Variants in ARAP1 observed in about 807,000 individuals in gnomAD.
The protein encoded by ARAP1 is ArfGAP with RhoGAP domain, ankyrin repeat and PH domain 1.
ARAP1 carries 76 observed loss-of-function variants against 172.2 expected under a neutral mutation model. That is an observed-to-expected ratio of 0.44 (90% confidence interval 0.37 to 0.53). ARAP1 has a LOEUF of 0.53. ARAP1 is among the 20% of genes least tolerant of loss of function. ARAP1 has a pLI of 0.00. For missense variants in ARAP1, 1,686 were observed against 1,977.5 expected (o/e 0.85, Z 2.80); for synonymous variants, 804 against 803.3 (o/e 1.00, Z -0.01).
At chr11:72,733,784 G>C (rs770947113) in intron 1 of ARAP1, among the ~76,000 whole-genome samples, 5 of 152,148 alleles carry the variant, frequency 3.3e-5, no homozygotes, top group Non-Finnish European at 5.9e-5. Context: ...TCACTGCCTA[G>C]GATAGGGCTA....
chr11:72,692,759 A>T lies in ARAP1; in HGVS notation c.3981T>A (p.Pro1327=), dbSNP rs1479132898. The T allele has an allele frequency of 6.2e-7, 1 of 1,613,696 alleles. No individual in the cohort carries two copies. The highest frequency in any genetic ancestry group is 8.5e-7 in the Non-Finnish European group (1 of 1,180,002). Residue 1327 remains proline, a synonymous_variant, in exon 30 of 35, where the codon CCT becomes CCA. Coordinates refer to ENST00000393609, the MANE Select transcript of ARAP1 (RefSeq NM_001040118.3). The part of the protein sequence containing the change: ...VRSQRPWSGA[P]ETSHRPEKEW... The stretch of plus-strand genomic sequence containing the variant: ...TCAGCCCACAGCTACTCACGGTCTC[A>T]GGGGCCCCGCTCCACGGCCTCTGGC...
intron 12 of ARAP1, 66 bp from the exon 13 acceptor site, chr11:72,705,956 C>G (rs917115417): frequency 6.5e-7 from 1 of 1,533,290 alleles, no homozygotes; most frequent in African/African-American, 1.4e-5. Flanking sequence ...TTACCCACCC[C>G]CAGTGTCTAC....
chr11:72,693,676 T>C lies in ARAP1; in HGVS notation c.3808+16A>G. The C allele has an allele frequency of 6.3e-7, 1 of 1,590,396 alleles. No individual in the cohort carries two copies. The highest frequency in any genetic ancestry group is 1.1e-5 in the South Asian group (1 of 87,990). The stretch of plus-strand genomic sequence containing the variant: ...AGGACCACCCGGAGCCTGGCCACCC[T>C]GCAGGCACCACCTACCCAGGTACAG... On this transcript the variant is annotated intron_variant, in intron 28 of 34. Transcript: ENST00000393609. The surrounding 1 kb of genome is among the most constrained non-coding windows in gnomAD (Gnocchi z 4.6).
At chr11:72,728,572 C>G (rs1857767866) in intron 2 of ARAP1, among the ~76,000 whole-genome samples, 1 of 152,100 alleles carries the variant, frequency 6.6e-6, no homozygotes, top group Non-Finnish European at 1.5e-5. Context: ...CAGAGTGAGG[C>G]TCCGTCTCAA....
intron 14 of ARAP1, among the ~76,000 whole-genome samples, chr11:72,703,587 G>T (rs1352977841): frequency 6.6e-6 from 1 of 152,200 alleles, no homozygotes; most frequent in Non-Finnish European, 1.5e-5. Flanking sequence ...CGGGCTTCTA[G>T]CTGGACTGAG....
chr11:72,690,927 C>T (rs1039463613), intron 30 of ARAP1, among the ~76,000 whole-genome samples: 3 of 152,184 alleles, frequency 2.0e-5, no homozygotes, highest in Non-Finnish European at 4.4e-5. Context: ...GTCCTACTGC[C>T]GCATAAACCA....
chr11:72,751,631 G>A (rs774340748), intron 1 of ARAP1, among the ~76,000 whole-genome samples: 4 of 152,014 alleles, frequency 2.6e-5, no homozygotes, highest in African/African-American at 7.3e-5. Flanking sequence ...CTGGGATCAG[G>A]GAAGGCTCCC....
intron 1 of ARAP1, among the ~76,000 whole-genome samples, chr11:72,748,623 A>G (rs1858444354): frequency 6.6e-6 from 1 of 152,134 alleles, no homozygotes; most frequent in African/African-American, 2.4e-5. Flanking sequence ...TAACCTAACT[A>G]TGGGACAGGC....
chr11:72,697,256 C>T (rs1305748732), intron 21 of ARAP1, 61 bp from the exon 22 acceptor site: 3 of 1,584,206 alleles, frequency 1.9e-6, no homozygotes, highest in Admixed American at 1.7e-5. Context: ...GGCGGGGCCG[C>T]GCAGCTCTGG....
chr11:72,701,138 G>A (rs1856463338), intron 16 of ARAP1, among the ~76,000 whole-genome samples: 2 of 152,172 alleles, frequency 1.3e-5, no homozygotes, highest in Non-Finnish European at 2.9e-5. Flanking sequence ...ATGCATTTCA[G>A]GCAGAGGGAA....
chr11:72,722,268 C>G, intron 3 of ARAP1: 1 of 985,596 alleles, frequency 1.0e-6, no homozygotes, highest in Non-Finnish European at 1.2e-6. Flanking sequence ...CAGCTCTGGT[C>G]TCCCGGAGGC....
intron 1 of ARAP1, among the ~76,000 whole-genome samples, chr11:72,733,738 T>TAA (rs1364538880): frequency 6.6e-6 from 1 of 152,220 alleles, no homozygotes; most frequent in Non-Finnish European, 1.5e-5. Context: ...TACAAACACA[T>TAA]AAACAGGTAT....
chr11:72,730,459 C>T (rs1192393659), intron 2 of ARAP1, among the ~76,000 whole-genome samples: 1 of 152,148 alleles, frequency 6.6e-6, no homozygotes, highest in African/African-American at 2.4e-5. Context: ...CGCGGTGGCT[C>T]ACACCTGTAA....
rs529263777 is a variant in ARAP1 at position 72,748,306 on chromosome 11, G to T, written c.-128+4022C>A. On this transcript the variant is annotated intron_variant, in intron 1 of 34. Transcript: ENST00000393609. ...GGAGGCCAAGGCGGGCGGATCACGA[G>T]GTCAGGAGTTCAAGATCATCCTGGC... Among the ~76,000 whole-genome samples, 292 of 152,248 alleles carry T rather than the reference G, an allele frequency of 1.9e-3. 2 individuals are homozygous for T. Among genetic ancestry groups the T allele is most frequent in the African/African-American group, 6.9e-3 (285 of 41,554 alleles).
chr11:72,745,671 G>A (rs577079813), intron 1 of ARAP1, among the ~76,000 whole-genome samples: 10 of 152,194 alleles, frequency 6.6e-5, no homozygotes, highest in Non-Finnish European at 1.0e-4. Flanking sequence ...GCACGACCCC[G>A]CCAGGAGCCT....
Position 72,697,095 on chromosome 11 carries a change from C to A in ARAP1, c.3054G>T (p.Lys1018Asn). The change falls in exon 22 of 35, where the codon AAG (lysine) becomes AAT (asparagine). Residue 1018 changes from lysine to asparagine, a missense_variant. Lys to Asn is a moderately conservative substitution (Grantham distance 94). Around this residue, in one of 5 missense-constraint regions of ARAP1, gnomAD observed 274 missense variants for 262.7 expected, o/e 1.04. Coordinates refer to ENST00000393609, the MANE Select transcript of ARAP1 (RefSeq NM_001040118.3). Reference protein sequence around the residue: ...LRQDARSVHLKEGEQHVDDVS... With the variant: ...LRQDARSVHLNEGEQHVDDVS... ...CATCATCCACGTGCTGCTCGCCCTC[C>A]TTGAGGTGCACAGAGCGCGCATCCT... 6.2e-7 allele frequency: 1 copy of A among 1,609,242 alleles called. No individual in the cohort carries two copies.
intron 15 of ARAP1, among the ~76,000 whole-genome samples, chr11:72,702,351 T>C (rs1856528255): frequency 6.6e-6 from 1 of 151,780 alleles, no homozygotes; most frequent in Admixed American, 6.6e-5. Context: ...CCACCCTCAG[T>C]CCTGGGATGT....
chr11:72,714,298 G>A lies in ARAP1; in HGVS notation c.533C>T (p.Ser178Leu), dbSNP rs1469932791. 1.9e-6 allele frequency: 3 copies of A among 1,547,266 alleles called. No individual in the cohort carries two copies. Among genetic ancestry groups the A allele is most frequent in the Non-Finnish European group, 2.6e-6 (3 of 1,145,582 alleles). The change falls in exon 4 of 35, where the codon TCA becomes TTA. Residue 178 changes from serine (S) to leucine (L), a missense_variant. This residue lies in a region of ARAP1 where 155 missense variants were observed against 129.2 expected (regional missense o/e 1.20). Coordinates refer to ENST00000393609, the MANE Select transcript of ARAP1 (RefSeq NM_001040118.3). ...LVSLPTKEEE[S>L]LLPSLSSPPQ... ...AGGGGATGATAATGATGGCAGCAAT[G>A]ACTCCTCCTCCTTAGTGGGCAGGCT...
Position 72,693,626 on chromosome 11 carries a change from A to G in ARAP1, c.3808+66T>C, listed in dbSNP as rs1008880287. The stretch of plus-strand genomic sequence containing the variant: ...TGAGCTGTTCCTACCTGGCACCACC[A>G]GGTCCCACCCTGGCTCTGGAAGAGA... On this transcript the variant is annotated intron_variant, in intron 28 of 34. Transcript: ENST00000393609. This position sits in a 1 kb window ranked among gnomAD's most constrained non-coding sequence, Gnocchi z 4.6. 73 of 1,533,250 alleles carry G rather than the reference A, an allele frequency of 4.8e-5. No homozygotes were observed. In the Middle Eastern group the frequency reaches 9.0e-4, roughly 19 times the overall value. 95.0% of individuals were successfully genotyped at this position (1,533,250 alleles called of 1,614,324 possible).
Sources: allele counts gnomAD v4.1 joint callset (sites outside exome capture counted in the v4.1 genomes callset), GRCh38; gene constraint gnomAD v4.1.1; regional missense constraint gnomAD v4.1.1; non-coding constraint Gnocchi (gnomAD v3.1); transcripts MANE v1.5; gene names NCBI Gene and HGNC (gene_info 2026-07-23, HGNC 2026-07-21).